Variants in JAKMIP3 observed in about 807,000 individuals in gnomAD.
JAKMIP3 encodes janus kinase and microtubule-interacting protein 3.
A neutral mutation model predicts 118.5 loss-of-function variants in JAKMIP3; 58 were observed. That is an observed-to-expected ratio of 0.49 (90% CI 0.40 to 0.61). JAKMIP3 has a LOEUF of 0.61. JAKMIP3 is among the 20% of genes least tolerant of loss of function. JAKMIP3 has a pLI of 0.00. For missense variants in JAKMIP3, 950 were observed against 1,109.0 expected (o/e 0.86, Z 2.04); for synonymous variants, 486 against 451.2 (o/e 1.08, Z -0.98).
intron 1 of JAKMIP3, among the ~76,000 whole-genome samples, chr10:132,045,030 G>A (rs879683426): frequency 1.3e-5 from 2 of 152,108 alleles, no homozygotes; most frequent in Admixed American, 1.3e-4. Flanking sequence ...TCAGTCTTGC[G>A]AATCATGCTG....
intron 1 of JAKMIP3, among the ~76,000 whole-genome samples, chr10:132,070,174 T>C (rs1367213801): frequency 6.6e-6 from 1 of 151,940 alleles, no homozygotes; most frequent in Non-Finnish European, 1.5e-5. Context: ...TGAGACAGAG[T>C]TTCACTCTTG....
At chr10:132,178,167 C>A (rs1387453259) in intron 23 of JAKMIP3, among the ~76,000 whole-genome samples, 1 of 152,262 alleles carries the variant, frequency 6.6e-6, no homozygotes, top group Non-Finnish European at 1.5e-5. Context: ...TGACCCAGAG[C>A]AGAGCACCAC....
intron 13 of JAKMIP3, among the ~76,000 whole-genome samples, chr10:132,147,541 A>G (rs2054874658): frequency 6.6e-6 from 1 of 152,176 alleles, no homozygotes; most frequent in Admixed American, 6.5e-5. Context: ...CACCTGGGAC[A>G]TTTACCCTCC....
In JAKMIP3 at chr10:132,044,896, C is replaced by T. The variant is rs2037863081; in HGVS notation, c.-138+8158C>T. Among the ~76,000 whole-genome samples the T allele has an allele frequency of 6.8e-6, 1 of 146,460 alleles. No individual in the cohort carries two copies. The highest frequency in any genetic ancestry group is 2.6e-5 in the African/African-American group (1 of 38,684). On this transcript the variant is annotated intron_variant, in intron 1 of 23. Coordinates refer to the JAKMIP3 transcript ENST00000657785. The surrounding 1 kb of genome is among the most constrained non-coding windows in gnomAD (Gnocchi z 5.3). ...GGTATTTGTGCGTGTGTGTGACTGGCGTGCTTCACCGTGTTGCATGCGCGT... is the reference window on the plus strand; with the variant it reads ...GGTATTTGTGCGTGTGTGTGACTGGTGTGCTTCACCGTGTTGCATGCGCGT...
rs553638550 is a variant in JAKMIP3, at chr10:132,036,932, G to A, written c.-138+194G>A. ...CCTTGCCTCTCCCGGCGGTCCCCCC[G>A]TGGGCGGGTCCTCTCCACGGCACCC... On this transcript the variant is annotated intron_variant, in intron 1 of 23. Coordinates refer to the JAKMIP3 transcript ENST00000657785. Among the ~76,000 whole-genome samples the A allele has an allele frequency of 2.0e-3, 297 of 151,812 alleles. 2 individuals are homozygous for A. Among genetic ancestry groups the A allele is most frequent in the Non-Finnish European group, 3.5e-3 (235 of 67,728 alleles).
At chr10:132,080,092 A>G (rs1013319779) in intron 1 of JAKMIP3, among the ~76,000 whole-genome samples, 3 of 152,186 alleles carry the variant, frequency 2.0e-5, no homozygotes, top group African/African-American at 7.2e-5. Flanking sequence ...ACGCAGGATA[A>G]TTGCTTGAGC....
Position 132,118,862 on chromosome 10 carries a change from T to C in JAKMIP3, c.633+1288T>C, listed in dbSNP as rs939536133. ...TCGCGTGACACGATGCTTGCTTTTC[T>C]GTGCGGGGAAGGAAGGAAGCGTTGC... On this transcript the variant is annotated intron_variant, in intron 3 of 23. Coordinates refer to ENST00000684848, the MANE Select transcript of JAKMIP3 (RefSeq NM_001323087.2). This position sits in a 1 kb window ranked among gnomAD's most constrained non-coding sequence, Gnocchi z 4.8. Among the ~76,000 whole-genome samples the C allele has an allele frequency of 5.3e-5, 8 of 152,218 alleles. No homozygotes were observed. Among genetic ancestry groups the C allele is most frequent in the Non-Finnish European group, 1.5e-5 (1 of 68,046 alleles).
chr10:132,168,318 C>G lies in JAKMIP3; in HGVS notation c.*388C>G, dbSNP rs1239775931. 3 of 1,289,432 alleles carry G rather than the reference C, an allele frequency of 2.3e-6. No homozygotes were observed. In the East Asian group the frequency reaches 1.7e-4, roughly 72 times the overall value. The allele number at this position is 1,289,432 out of a possible 1,614,324, so 79.9% of individuals were successfully genotyped here. On this transcript the variant is annotated 3_prime_UTR_variant, in exon 23 of 24. Coordinates refer to ENST00000684848, the MANE Select transcript of JAKMIP3 (RefSeq NM_001323087.2). ...AGAAGCACCAGCCGCGGGTCCCCTC[C>G]TCTCTCTTGGTTCTCACAGTAGCTG...
intron 1 of JAKMIP3, among the ~76,000 whole-genome samples, chr10:132,098,372 G>C (rs2044317367): frequency 6.6e-6 from 1 of 152,188 alleles, no homozygotes; most frequent in Non-Finnish European, 1.5e-5. Context: ...CAGTTCTGGA[G>C]ATGAGGACTG....
At chr10:132,060,144 CAA>C (rs1486656478), upstream of JAKMIP3, among the ~76,000 whole-genome samples, 2 of 152,212 alleles carry the variant, frequency 1.3e-5, no homozygotes, top group Admixed American at 6.5e-5. Flanking sequence ...ACCTCAGCAC[CAA>C]GAGAGGGCAG....
chr10:132,071,309 A>G (rs1452127864), intron 1 of JAKMIP3, among the ~76,000 whole-genome samples: 1 of 151,806 alleles, frequency 6.6e-6, no homozygotes, highest in Non-Finnish European at 1.5e-5. Context: ...CTTTGTTGAG[A>G]TTTGTTTTAT....
chr10:132,136,297 G>A (rs1010144788), intron 6 of JAKMIP3, among the ~76,000 whole-genome samples: 7 of 152,196 alleles, frequency 4.6e-5, no homozygotes, highest in South Asian at 2.1e-4. Flanking sequence ...CAAAGGATGC[G>A]GCTGTGGGGC....
At chr10:132,102,940 C>G (rs1402477266) in intron 1 of JAKMIP3, among the ~76,000 whole-genome samples, 2 of 150,882 alleles carry the variant, frequency 1.3e-5, no homozygotes, top group Non-Finnish European at 3.0e-5. Context: ...CTGTGTTCAC[C>G]AGGAGAGGAG....
chr10:132,145,631 GGGGTTGCAGTGGTCCCTGC>G, intron 13 of JAKMIP3, 51 bp downstream of exon 13: 1 of 1,472,866 alleles, frequency 6.8e-7, no homozygotes, highest in South Asian at 1.2e-5. Context: ...TATGCTCCTG[GGGGTTGCAGTGGTCCCTGC>G]GGGGCTGAAG....
chr10:132,133,597 C>G, intron 4 of JAKMIP3, 70 bp downstream of exon 4: 1 of 1,367,116 alleles, frequency 7.3e-7, no homozygotes, highest in Non-Finnish European at 1.0e-6. Context: ...CTGCATGGCC[C>G]TGCATGGGCC....
At chr10:132,108,460 A>G (rs974495788) in intron 2 of JAKMIP3, among the ~76,000 whole-genome samples, 12 of 152,064 alleles carry the variant, frequency 7.9e-5, no homozygotes, top group African/African-American at 2.9e-4. Flanking sequence ...GTGTGCAGCT[A>G]CTGGAAGCAG....
chr10:132,175,646 C>G (rs970901600), intron 23 of JAKMIP3, among the ~76,000 whole-genome samples: 1 of 152,170 alleles, frequency 6.6e-6, no homozygotes, highest in East Asian at 1.9e-4. Context: ...GTGGAGCAGG[C>G]GCCTGAATGC....
At chr10:132,080,315 G>A (rs1013424803) in intron 1 of JAKMIP3, among the ~76,000 whole-genome samples, 5 of 152,036 alleles carry the variant, frequency 3.3e-5, no homozygotes, top group Admixed American at 1.3e-4. Context: ...TTTGATCATA[G>A]CCATCCTAAT....
At position 132,049,645 on chromosome 10, in the gene JAKMIP3, T is replaced by G. The variant is rs1375177623; in HGVS notation, c.-138+12907T>G. Among the ~76,000 whole-genome samples the G allele has an allele frequency of 6.6e-6, 1 of 152,160 alleles. No individual in the cohort carries two copies. Among genetic ancestry groups the G allele is most frequent in the East Asian group, 1.9e-4 (1 of 5,194 alleles). On this transcript the variant is annotated intron_variant, in intron 1 of 23. Transcript: ENST00000657785. This position sits in a 1 kb window ranked among gnomAD's most constrained non-coding sequence, Gnocchi z 4.3. ...TTTGGATGTACAGGTTTCTTCTGCC[T>G]TGTGTTTTTTCTTTTTTAAAAGTGG...
Sources: allele counts gnomAD v4.1 joint callset (sites outside exome capture counted in the v4.1 genomes callset), GRCh38; gene constraint gnomAD v4.1.1; non-coding constraint Gnocchi (gnomAD v3.1); transcripts MANE v1.5; gene names NCBI Gene and HGNC (gene_info 2026-07-23, HGNC 2026-07-21).